Variants in COL18A1 observed in about 807,000 individuals in gnomAD.
COL18A1 encodes the protein collagen alpha-1(XVIII) chain.
COL18A1 carries 133 observed loss-of-function variants against 168.0 expected under a neutral mutation model. That is an observed-to-expected ratio of 0.79 (90% confidence interval 0.69 to 0.91). The LOEUF is 0.91. Among genes scored for constraint, COL18A1 ranks in the 40% least tolerant of loss-of-function variants. COL18A1 has a pLI of 0.00. For synonymous variants in COL18A1, 949 were observed against 809.0 expected, an observed-to-expected ratio of 1.17 and a Z score of -2.94; for missense variants, 2,126 against 1,925.4, an observed-to-expected ratio of 1.10 and a Z score of -1.95.
rs117491585 is a variant in COL18A1, at chr21:45,463,417, G to A, written c.107-4825G>A. Among the ~76,000 whole-genome samples, 3,107 of 152,288 alleles carry A rather than the reference G, an allele frequency of 0.02. 42 individuals are homozygous for A. The highest frequency in any genetic ancestry group is 0.032 in the Non-Finnish European group (2,157 of 68,028). On this transcript the variant is annotated intron_variant, in intron 2 of 41. Coordinates refer to ENST00000651438, the MANE Select transcript of COL18A1 (RefSeq NM_001379500.1). The surrounding 1 kb of genome is among the most constrained non-coding windows in gnomAD (Gnocchi z 4.0). ...TGGGGTTTAGCTAAATTAACCACCC[G>A]TTACCGTCCAAGCCTTCCTGTGGAC... is the stretch of plus-strand genomic sequence containing the variant.
chr21:45,474,342 TGTG>T (rs1189746246), intron 4 of COL18A1, among the ~76,000 whole-genome samples: 1 of 148,298 alleles, frequency 6.7e-6, no homozygotes, highest in Non-Finnish European at 1.5e-5. Flanking sequence ...TGTGTGTGGA[TGTG>T]TGTGTGTCTG....
chr21:45,497,229 A>T (rs1388359995), intron 31 of COL18A1, 137 bp downstream of exon 31: 1 of 720,168 alleles, frequency 1.4e-6, no homozygotes, highest in Non-Finnish European at 2.5e-6. Flanking sequence ...CCCACGCCCC[A>T]GTTCCGATGA....
At chr21:45,405,826 C>T (rs1297099258) in intron 2 of COL18A1, among the ~76,000 whole-genome samples, 4 of 151,704 alleles carry the variant, frequency 2.6e-5, no homozygotes, top group Non-Finnish European at 3.0e-5. Context: ...GTCACGGCCT[C>T]GTCCCCGCAG....
Position 45,473,596 on chromosome 21 carries a change from G to A in COL18A1, c.652-299G>A, listed in dbSNP as rs1476642844. Among the ~76,000 whole-genome samples the A allele has an allele frequency of 6.6e-6, 1 of 152,142 alleles. No homozygotes were observed. Among genetic ancestry groups the A allele is most frequent in the Non-Finnish European group, 1.5e-5 (1 of 68,014 alleles). The stretch of plus-strand genomic sequence containing the variant: ...CTTGGATCGAGCCACACCTGCTGTG[G>A]TTCTAAACCCGTAGCCCTCAGGTGG... On this transcript the variant is annotated intron_variant, in intron 3 of 41. Transcript: ENST00000651438. This position sits in a 1 kb window ranked among gnomAD's most constrained non-coding sequence, Gnocchi z 4.0.
intron 2 of COL18A1, among the ~76,000 whole-genome samples, chr21:45,434,148 C>T (rs1327848710): frequency 8.7e-6 from 1 of 115,094 alleles, no homozygotes; most frequent in Non-Finnish European, 1.8e-5. Context: ...GCCTGTGCTC[C>T]TGTGGCTCAT....
intron 2 of COL18A1, among the ~76,000 whole-genome samples, chr21:45,437,888 GCACA>G (rs374977024): frequency 1.8e-4 from 8 of 44,558 alleles, no homozygotes; most frequent in Non-Finnish European, 2.5e-4. Flanking sequence ...GCACTCTCCT[GCACA>G]CACACACTCA....
chr21:45,480,101 C>T lies in COL18A1; in HGVS notation c.1343C>T (p.Pro448Leu). The change falls in exon 11 of 42, where the codon CCA becomes CTA. Residue 448 changes from proline (P) to leucine (L), a missense_variant. Pro to Leu is a moderately conservative substitution (Grantham distance 98). Coordinates refer to ENST00000651438, the MANE Select transcript of COL18A1 (RefSeq NM_001379500.1). ...GDPGVGERGP[P>L]GPQGPPGPPG... The stretch of plus-strand genomic sequence containing the variant: ...CCTGGGGTTGGAGAGAGAGGGCCCC[C>T]AGGACCCCAAGGGCCTCCAGGGCCC... 6.2e-7 allele frequency: 1 copy of T among 1,608,546 alleles called. No homozygotes were observed. Among genetic ancestry groups the T allele is most frequent in the Middle Eastern group, 1.7e-4 (1 of 6,042 alleles).
rs769404140 is a variant in COL18A1 at position 45,455,575 on chromosome 21, C to T, written c.107-12667C>T. 2.5e-6 allele frequency: 4 copies of T among 1,613,776 alleles called. No homozygotes were observed. The East Asian group carries it at 8.9e-5, about 36-fold the overall frequency. On this transcript the variant is annotated intron_variant, in intron 2 of 41. Coordinates refer to ENST00000651438, the MANE Select transcript of COL18A1 (RefSeq NM_001379500.1). ...GCTGCCACATCCTGCTGCTGCTCTT[C>T]TGCTGCCTGGCGGCTGCCCGGGCCA...
chr21:45,465,085 C>G (rs78330609), intron 2 of COL18A1, among the ~76,000 whole-genome samples: 4,443 of 152,334 alleles, frequency 0.029, 230 homozygotes, highest in African/African-American at 0.1. Context: ...AGATGCTCTG[C>G]TCTTCGTGTT....
intron 38 of COL18A1, among the ~76,000 whole-genome samples, chr21:45,508,368 GGGTGGATGGATGGTGGGCAGATGGAT>G (rs1157227013): frequency 6.6e-6 from 1 of 151,460 alleles, no homozygotes; most frequent in African/African-American, 2.4e-5. Flanking sequence ...GTGAGTGGAT[GGGTGGATGGATGGTGGGCAGATGGAT>G]GGTGGATAGG....
intron 2 of COL18A1, chr21:45,456,302 C>T (rs561076797): frequency 2.4e-5 from 38 of 1,553,930 alleles, no homozygotes; most frequent in South Asian, 5.9e-5. Flanking sequence ...CCCTGACGTC[C>T]GCCTGCGCAC....
chr21:45,444,040 C>T lies in COL18A1; in HGVS notation c.107-24202C>T, dbSNP rs184599697. Among the ~76,000 whole-genome samples the T allele has an allele frequency of 3.3e-4, 51 of 152,336 alleles. No individual in the cohort carries two copies. The East Asian group carries it at 8.7e-3, about 26-fold the overall frequency. The stretch of plus-strand genomic sequence containing the variant: ...GAATTCAGTGTCCCTCTGTGGGGAA[C>T]GTGCTTCCCGGCTGCCACGCTGTCG... On this transcript the variant is annotated intron_variant, in intron 2 of 41. Transcript: ENST00000651438.
At chr21:45,452,530 A>C (rs551891310) in intron 2 of COL18A1, among the ~76,000 whole-genome samples, 2 of 151,486 alleles carry the variant, frequency 1.3e-5, no homozygotes, top group Admixed American at 1.3e-4. Context: ...ATGCATGTAC[A>C]TATGTGATTG....
chr21:45,507,901 A>G (rs1308203298), intron 38 of COL18A1, among the ~76,000 whole-genome samples: 1 of 152,108 alleles, frequency 6.6e-6, no homozygotes, highest in Non-Finnish European at 1.5e-5. Flanking sequence ...CAAAATCCAC[A>G]TCTTGTGTCT....
chr21:45,461,519 C>A (rs2035047720), intron 2 of COL18A1, among the ~76,000 whole-genome samples: 1 of 152,160 alleles, frequency 6.6e-6, no homozygotes, highest in South Asian at 2.1e-4. Context: ...TCCTGGTGCC[C>A]CCCTGCAGGG....
intron 19 of COL18A1, among the ~76,000 whole-genome samples, chr21:45,490,057 A>C (rs1288801844): frequency 0.019 from 3 of 162 alleles, no homozygotes; most frequent in African/African-American, 0.053. Context: ...CTCCTCCCCC[A>C]CTCCCCCCGA....
At position 45,492,706 on chromosome 21, in the gene COL18A1, G is replaced by C; in HGVS notation, c.2207G>C (p.Gly736Ala). The change falls in exon 24 of 42, where the codon GGC becomes GCC. Residue 736 changes from glycine (G) to alanine (A), a missense_variant. Gly to Ala is a moderately conservative substitution (Grantham distance 60). Transcript: ENST00000651438. ...CCCCAGGGCCGGCCGGGTTTCGCAG[G>C]CTTTCCCGTGAGTAACCTGGTGCCA... ...PGPEGRPGFA[G>A]FPGPAGPKGN... The C allele has an allele frequency of 6.2e-7, 1 of 1,608,788 alleles. No homozygotes were observed. Among genetic ancestry groups the C allele is most frequent in the Non-Finnish European group, 8.5e-7 (1 of 1,178,798 alleles).
intron 2 of COL18A1, among the ~76,000 whole-genome samples, chr21:45,410,549 C>T (rs1044232102): frequency 1.1e-4 from 16 of 152,262 alleles, no homozygotes; most frequent in African/African-American, 2.2e-4. Flanking sequence ...CACCCACCCC[C>T]GCAGCCGTTT....
chr21:45,458,671 G>T (rs1487385944), intron 2 of COL18A1, among the ~76,000 whole-genome samples: 1 of 152,184 alleles, frequency 6.6e-6, no homozygotes, highest in Non-Finnish European at 1.5e-5. Flanking sequence ...CGGTGTCCTG[G>T]AGCCCCGGGA....
Sources: gnomAD v4.1 joint callset for allele counts (sites outside exome capture counted in the v4.1 genomes callset) on GRCh38, gnomAD v4.1.1 for gene constraint, Gnocchi (gnomAD v3.1) non-coding constraint, MANE v1.5 for transcripts, NCBI Gene and HGNC (gene_info 2026-07-23, HGNC 2026-07-21) for gene names.